CCDC73: variants seen among roughly 807,000 people sequenced by gnomAD.
CCDC73 encodes coiled-coil domain-containing protein 73.
A neutral mutation model predicts 116.5 loss-of-function variants in CCDC73; 95 were observed. The ratio of observed to expected loss-of-function variants is 0.82; its 90% CI spans 0.69 to 0.97. The LOEUF (loss-of-function observed/expected upper bound fraction) is 0.97. Ranked by LOEUF, CCDC73 falls within the 50% of genes least tolerant of loss-of-function variation. The pLI is 0.00. For synonymous variants in CCDC73, 398 were observed against 401.3 expected (o/e 0.99, Z 0.10); for missense variants, 1,066 against 1,206.8 (o/e 0.88, Z 1.73).
chr11:32,749,523 T>G (rs777715356), intron 2 of CCDC73, among the ~76,000 whole-genome samples: 2 of 152,154 alleles, frequency 1.3e-5, no homozygotes, highest in Non-Finnish European at 2.9e-5. Context: ...TGGTCCCTGT[T>G]GCCTTATTAG....
chr11:32,716,275 T>G (rs1849943494), intron 3 of CCDC73, among the ~76,000 whole-genome samples: 1 of 152,194 alleles, frequency 6.6e-6, no homozygotes, highest in Non-Finnish European at 1.5e-5. Context: ...ATACCATTTC[T>G]TGAATAATCC....
intron 2 of CCDC73, among the ~76,000 whole-genome samples, chr11:32,724,199 C>T (rs1388494220): frequency 6.6e-6 from 1 of 151,818 alleles, no homozygotes; most frequent in African/African-American, 2.4e-5. Flanking sequence ...CCCAGTTTTC[C>T]CTCATACTTT....
At chr11:32,776,965 A>ATG (rs2133392320) in intron 1 of CCDC73, among the ~76,000 whole-genome samples, 2 of 127,392 alleles carry the variant, frequency 1.6e-5, no homozygotes, top group Non-Finnish European at 3.2e-5. Context: ...ATATATACAC[A>ATG]CACACACATA....
chr11:32,622,740 G>A (rs573034007), intron 14 of CCDC73, among the ~76,000 whole-genome samples: 2 of 150,672 alleles, frequency 1.3e-5, no homozygotes, highest in South Asian at 4.2e-4. Context: ...GGGGGGAATG[G>A]TGTAAAGATT....
At chr11:32,681,997 A>G (rs1856149817) in intron 7 of CCDC73, 2 of 151,964 alleles carry the variant, frequency 1.3e-5, no homozygotes, top group South Asian at 4.1e-4. Context: ...AAACTGTCAG[A>G]AAAAATATTA....
chr11:32,763,310 C>G (rs1271803988), intron 1 of CCDC73, among the ~76,000 whole-genome samples: 1 of 152,216 alleles, frequency 6.6e-6, no homozygotes, highest in Non-Finnish European at 1.5e-5. Context: ...TCAAGTGAGT[C>G]CCTGACCCCT....
chr11:32,733,203 C>G (rs1427906735), intron 2 of CCDC73, among the ~76,000 whole-genome samples: 1 of 152,190 alleles, frequency 6.6e-6, no homozygotes, highest in African/African-American at 2.4e-5. Flanking sequence ...GGGATCAATT[C>G]AACAAGAAGA....
At chr11:32,701,574 G>T (rs1480175238) in intron 4 of CCDC73, among the ~76,000 whole-genome samples, 1 of 152,028 alleles carries the variant, frequency 6.6e-6, no homozygotes, top group Non-Finnish European at 1.5e-5. Context: ...AGCACCTGTA[G>T]TCCCAGCTAC....
intron 7 of CCDC73, chr11:32,681,281 C>G (rs950428244): frequency 6.6e-5 from 10 of 151,978 alleles, no homozygotes; most frequent in Admixed American, 5.2e-4. Flanking sequence ...TATTACCCAA[C>G]ATGGTCATCT....
intron 2 of CCDC73, among the ~76,000 whole-genome samples, chr11:32,738,005 G>T (rs1015342416): frequency 3.3e-5 from 5 of 152,138 alleles, no homozygotes; most frequent in Non-Finnish European, 7.3e-5. Context: ...TTCCATCCGT[G>T]TTGTTGCAAG....
chr11:32,806,381 A>G, the CCDC73 span, among the ~76,000 whole-genome samples: 7 of 152,258 alleles, frequency 4.6e-5, no homozygotes, highest in East Asian at 1.4e-3. Flanking sequence ...GCACTTTGGG[A>G]GGCTGAGGCG....
At chr11:32,821,703 A>G in the CCDC73 span, among the ~76,000 whole-genome samples, 5 of 152,182 alleles carry the variant, frequency 3.3e-5, no homozygotes, top group Admixed American at 3.3e-4. Flanking sequence ...TTACTGAATG[A>G]TTAAGTAAAT....
At chr11:32,608,439 G>T (rs563720375) in intron 17 of CCDC73, among the ~76,000 whole-genome samples, 1 of 152,154 alleles carries the variant, frequency 6.6e-6, no homozygotes, top group South Asian at 2.1e-4. Flanking sequence ...TGGCTGCCAG[G>T]TCACGCTAAT....
In CCDC73 at chr11:32,774,773, A is replaced by C. The variant is rs191214270; in HGVS notation, c.-15-14515T>G. On this transcript the variant is annotated intron_variant, in intron 1 of 17. Transcript: ENST00000335185. ...ATAATTTCATAGAGCAGTTGATTAA[A>C]GAAACACTGATTAGCTTCCTAGCAT... 1.1e-3 allele frequency among the ~76,000 whole-genome samples: 169 copies of C among 152,366 alleles called. 1 individual carries two copies. The East Asian group carries it at 0.019, about 17-fold the overall frequency.
intron 9 of CCDC73, among the ~76,000 whole-genome samples, chr11:32,673,565 C>A (rs1303499211): frequency 4.0e-5 from 6 of 151,866 alleles, no homozygotes; most frequent in Admixed American, 3.9e-4. Flanking sequence ...TCCCTTGAGT[C>A]CAAAATATAC....
intron 3 of CCDC73, among the ~76,000 whole-genome samples, chr11:32,704,867 C>T (rs778961619): frequency 3.9e-5 from 6 of 152,224 alleles, no homozygotes; most frequent in South Asian, 4.1e-4. Context: ...AGGAGCTGCC[C>T]ACTTCAGGTC....
intron 5 of CCDC73, among the ~76,000 whole-genome samples, chr11:32,700,241 G>T (rs1849800470): frequency 6.6e-6 from 1 of 152,066 alleles, no homozygotes; most frequent in Non-Finnish European, 1.5e-5. Context: ...TAAACCATAA[G>T]TGATTATTAT....
the CCDC73 span, among the ~76,000 whole-genome samples, chr11:32,812,194 T>C: frequency 1.3e-5 from 2 of 152,350 alleles, no homozygotes; most frequent in Middle Eastern, 6.8e-3. Flanking sequence ...GATTTTTTCA[T>C]TTCTTCTCAT....
intron 6 of CCDC73, among the ~76,000 whole-genome samples, chr11:32,695,449 T>G (rs1026169312): frequency 1.3e-5 from 2 of 152,118 alleles, no homozygotes; most frequent in Non-Finnish European, 2.9e-5. Context: ...AGCTGGAAAT[T>G]AAATGTTCAA....
Sources: gnomAD v4.1 joint callset for allele counts (sites outside exome capture counted in the v4.1 genomes callset) on GRCh38, gnomAD v4.1.1 for gene constraint, MANE v1.5 for transcripts, NCBI Gene and HGNC (gene_info 2026-07-23, HGNC 2026-07-21) for gene names.